Variants in DCLK1 observed in about 807,000 individuals in gnomAD.
The protein encoded by DCLK1 is doublecortin like kinase 1.
In DCLK1, 16 loss-of-function variants were observed where a neutral mutation model predicts 86.2. That is an observed-to-expected ratio of 0.19 (90% confidence interval 0.13 to 0.28). DCLK1 has a LOEUF of 0.28. DCLK1 is among the 10% of genes least tolerant of loss of function. The pLI is 1.00. For synonymous variants in DCLK1, 369 were observed against 370.5 expected, an observed-to-expected ratio of 1.00 and a Z score of 0.05; for missense variants, 590 against 940.2, an observed-to-expected ratio of 0.63 and a Z score of 4.87.
In DCLK1 at chr13:35,824,910, T is replaced by A. The variant is rs116905396; in HGVS notation, c.1408-2035A>T. ...ATCTCTGTCCTCAAGCCTGTCCTCATGACAGCGCCCTTCCTGAAGTGTCCC... is the reference window on the plus strand; with the variant it reads ...ATCTCTGTCCTCAAGCCTGTCCTCAAGACAGCGCCCTTCCTGAAGTGTCCC... On this transcript the variant is annotated intron_variant, in intron 10 of 16. Transcript: ENST00000360631. Among the ~76,000 whole-genome samples, 458 of 152,254 alleles carry A rather than the reference T, an allele frequency of 3.0e-3. 1 individual carries two copies. The highest frequency in any genetic ancestry group is 4.5e-3 in the Admixed American group (69 of 15,288).
chr13:35,865,792 G>A (rs1441801880), intron 5 of DCLK1, among the ~76,000 whole-genome samples: 1 of 152,182 alleles, frequency 6.6e-6, no homozygotes, highest in Non-Finnish European at 1.5e-5. Context: ...AAGACTTACA[G>A]AGGATTCCCA....
At chr13:35,909,651 T>C (rs1404150368) in intron 4 of DCLK1, among the ~76,000 whole-genome samples, 1 of 149,066 alleles carries the variant, frequency 6.7e-6, no homozygotes, top group Non-Finnish European at 1.5e-5. Flanking sequence ...ATTTTTTTTT[T>C]CTACAAAGGA....
At chr13:36,059,081 A>T (rs1883444653) in intron 3 of DCLK1, among the ~76,000 whole-genome samples, 1 of 152,176 alleles carries the variant, frequency 6.6e-6, no homozygotes, top group Non-Finnish European at 1.5e-5. Flanking sequence ...TGTTAGAATG[A>T]CCTCTCCAAA....
intron 4 of DCLK1, among the ~76,000 whole-genome samples, chr13:35,930,959 T>C (rs1479937913): frequency 6.6e-6 from 1 of 152,228 alleles, no homozygotes; most frequent in African/African-American, 2.4e-5. Flanking sequence ...AATTCATGAA[T>C]TGCTGTCTGT....
At position 35,773,944 on chromosome 13, in the gene DCLK1, A is replaced by G. The variant is rs1386604567; in HGVS notation, c.*591T>C. 6.6e-6 allele frequency: 1 copy of G among 151,296 alleles called. No homozygotes were observed. The allele number at this position is 151,296 out of a possible 1,614,324, so 9.4% of individuals were successfully genotyped here. ...AGAACTCACTGCAACTGACAGTCAT[A>G]TCTCTAATGAAAAAAAAAATCTGTT... On this transcript the variant is annotated 3_prime_UTR_variant, in exon 17 of 17. Coordinates refer to ENST00000360631, the MANE Select transcript of DCLK1 (RefSeq NM_001330071.2).
chr13:35,815,391 G>T (rs1004688376), intron 11 of DCLK1, among the ~76,000 whole-genome samples: 1 of 152,208 alleles, frequency 6.6e-6, no homozygotes, highest in South Asian at 2.1e-4. Flanking sequence ...ACTAAAAGCT[G>T]ACTAATGTAA....
rs749567335 is a variant in DCLK1 at position 35,918,892 on chromosome 13, G to GTTTTTTTTTT, written c.823+28456_823+28465dup. Among the ~76,000 whole-genome samples, 32 of 76,322 alleles carry GTTTTTTTTTT rather than the reference G, an allele frequency of 4.2e-4. 9 individuals are homozygous for GTTTTTTTTTT. The highest frequency in any genetic ancestry group is 1.2e-3 in the South Asian group (2 of 1,692). The allele number at this position is 76,322 out of a possible 152,430, so 50.1% of individuals were successfully genotyped here. On this transcript the variant is annotated intron_variant, in intron 4 of 16. Coordinates refer to ENST00000360631, the MANE Select transcript of DCLK1 (RefSeq NM_001330071.2). Reference sequence around the variant, plus strand: ...AAAAAGAAATCTTCCTTCTGAGTGTGTTTTTTTTTTTTTTTTTGGAAACGG... The same window carrying GTTTTTTTTTT: ...AAAAAGAAATCTTCCTTCTGAGTGTGTTTTTTTTTTTTTTTTTTTTTTTTTTTGGAAACGG...
chr13:35,784,287 A>G (rs190962432), intron 16 of DCLK1, among the ~76,000 whole-genome samples: 24 of 152,380 alleles, frequency 1.6e-4, no homozygotes, highest in South Asian at 4.1e-4. Context: ...TTGGAATGCC[A>G]TGACATTTTC....
intron 11 of DCLK1, among the ~76,000 whole-genome samples, chr13:35,811,574 C>A (rs1481088130): frequency 1.3e-5 from 2 of 152,252 alleles, no homozygotes; most frequent in East Asian, 3.9e-4. Context: ...TGGCTCACGC[C>A]TGTAATCCCA....
chr13:35,976,525 G>GTTTT lies in DCLK1; in HGVS notation c.724-29072_724-29069dup, dbSNP rs11294824. Among the ~76,000 whole-genome samples, 225 of 56,362 alleles carry GTTTT rather than the reference G, an allele frequency of 4.0e-3. 30 individuals carry two copies. Among genetic ancestry groups the GTTTT allele is most frequent in the South Asian group, 6.8e-3 (8 of 1,184 alleles). The allele number at this position is 56,362 out of a possible 152,430, so 37.0% of individuals were successfully genotyped here. On this transcript the variant is annotated intron_variant, in intron 3 of 16. Coordinates refer to ENST00000360631, the MANE Select transcript of DCLK1 (RefSeq NM_001330071.2). Reference sequence around the variant, plus strand: ...CTCCCAGCACTTCAGCTTCTCCGAGGTTTTTTTTTTTTTTTTTTTTTTTGA... The same window carrying GTTTT: ...CTCCCAGCACTTCAGCTTCTCCGAGGTTTTTTTTTTTTTTTTTTTTTTTTTTTGA...
At chr13:35,961,333 C>T (rs1042735448) in intron 3 of DCLK1, among the ~76,000 whole-genome samples, 2 of 152,136 alleles carry the variant, frequency 1.3e-5, no homozygotes, top group Non-Finnish European at 2.9e-5. Flanking sequence ...TCCAAGATTA[C>T]TCTCAGAGTC....
intron 15 of DCLK1, among the ~76,000 whole-genome samples, chr13:35,805,022 C>A (rs2086997149): frequency 6.6e-6 from 1 of 152,150 alleles, no homozygotes; most frequent in African/African-American, 2.4e-5. Flanking sequence ...TATGTCGAAA[C>A]CCTTAGGTCA....
intron 1 of DCLK1, among the ~76,000 whole-genome samples, chr13:36,126,841 T>A (rs1886204973): frequency 6.6e-6 from 1 of 152,182 alleles, no homozygotes. Flanking sequence ...ACAACAACTT[T>A]CCAAAGTATT....
At chr13:35,965,329 T>G (rs930215306) in intron 3 of DCLK1, among the ~76,000 whole-genome samples, 1 of 152,202 alleles carries the variant, frequency 6.6e-6, no homozygotes, top group Non-Finnish European at 1.5e-5. Context: ...CATTTGTATT[T>G]ATAGGACCAG....
chr13:35,943,240 A>C (rs1877185195), intron 4 of DCLK1, among the ~76,000 whole-genome samples: 1 of 152,138 alleles, frequency 6.6e-6, no homozygotes, highest in Non-Finnish European at 1.5e-5. Context: ...ATGCTGCCAC[A>C]AGCCAAGGAT....
chr13:36,103,628 T>C (rs934032689), intron 3 of DCLK1, among the ~76,000 whole-genome samples: 1 of 147,568 alleles, frequency 6.8e-6, no homozygotes, highest in Non-Finnish European at 1.5e-5. Flanking sequence ...TACAATATAG[T>C]TCCTATTTAA....
chr13:36,070,049 G>C (rs1310746864), intron 3 of DCLK1, among the ~76,000 whole-genome samples: 2 of 152,114 alleles, frequency 1.3e-5, no homozygotes, highest in African/African-American at 4.8e-5. Context: ...CAAGAGGCTT[G>C]TGTTATGAAA....
intron 3 of DCLK1, among the ~76,000 whole-genome samples, chr13:36,059,742 C>T (rs1427727383): frequency 6.6e-6 from 1 of 152,040 alleles, no homozygotes; most frequent in African/African-American, 2.4e-5. Flanking sequence ...TAAAAGAAAA[C>T]CCCTCTTGCT....
intron 3 of DCLK1, among the ~76,000 whole-genome samples, chr13:36,080,901 C>T (rs1566673214): frequency 6.6e-6 from 1 of 151,974 alleles, no homozygotes; most frequent in Non-Finnish European, 1.5e-5. Flanking sequence ...TTAATTGTCA[C>T]AACTGGGGGA....
Sources: allele counts gnomAD v4.1 joint callset (sites outside exome capture counted in the v4.1 genomes callset), GRCh38; gene constraint gnomAD v4.1.1; transcripts MANE v1.5; gene names NCBI Gene and HGNC (gene_info 2026-07-23, HGNC 2026-07-21).